UBR2: variants seen among roughly 807,000 people sequenced by gnomAD.
The protein encoded by UBR2 is ubiquitin protein ligase E3 component n-recognin 2.
A neutral mutation model predicts 247.9 loss-of-function variants in UBR2; 92 were observed. That is an observed-to-expected ratio of 0.37 (90% CI 0.31 to 0.44). The LOEUF is 0.44. UBR2 is among the 20% of genes least tolerant of loss of function. UBR2 has a pLI of 1.00. For missense variants in UBR2, 1,613 were observed against 2,112.6 expected, an observed-to-expected ratio of 0.76 and a Z score of 4.64; for synonymous variants, 672 against 693.5, an observed-to-expected ratio of 0.97 and a Z score of 0.49.
rs976647236 is a variant in UBR2, at chr6:42,691,239, G to T, written c.*66G>T. ...CCCAGTTGGCTTTTTAAGAAAGAAA[G>T]AAGTTCTGCTGAATTTGGAAATAAA... On this transcript the variant is annotated 3_prime_UTR_variant, in exon 47 of 47. Transcript: ENST00000372901. 3.2e-6 allele frequency: 5 copies of T among 1,574,900 alleles called. No homozygotes were observed. Among genetic ancestry groups the T allele is most frequent in the Non-Finnish European group, 4.3e-6 (5 of 1,163,522 alleles).
chr6:42,665,554 A>G (rs752817203), intron 33 of UBR2, 42 bp downstream of exon 33: 4 of 1,421,424 alleles, frequency 2.8e-6, no homozygotes, highest in Admixed American at 4.1e-5. Flanking sequence ...CTAAAGTCCG[A>G]GGTCATCAGA....
intron 44 of UBR2, among the ~76,000 whole-genome samples, chr6:42,685,594 A>T (rs1374298141): frequency 6.6e-6 from 1 of 151,710 alleles, no homozygotes; most frequent in Admixed American, 6.6e-5. Flanking sequence ...CCTCCTGAGT[A>T]GCTGGGATTA....
chr6:42,585,001 G>T (rs1792165725), intron 2 of UBR2, among the ~76,000 whole-genome samples: 1 of 152,066 alleles, frequency 6.6e-6, no homozygotes, highest in Non-Finnish European at 1.5e-5. Flanking sequence ...TTGCTCTGGT[G>T]AAAGTGGATA....
intron 1 of UBR2, among the ~76,000 whole-genome samples, chr6:42,566,112 G>A (rs915286356): frequency 1.3e-5 from 2 of 151,682 alleles, no homozygotes; most frequent in Non-Finnish European, 2.9e-5. Context: ...ACTGAATTTT[G>A]TGTCTTGGTC....
chr6:42,667,802 C>G (rs1428153758), intron 34 of UBR2, among the ~76,000 whole-genome samples: 5 of 148,452 alleles, frequency 3.4e-5, no homozygotes, highest in Admixed American at 1.3e-4. Flanking sequence ...CTCTGTCACC[C>G]AGGCTGGAGT....
chr6:42,632,958 C>CTCTTTTTTTTTTTTTTTTTT (rs1562335065), intron 13 of UBR2, 54 bp downstream of exon 13: 2 of 610,588 alleles, frequency 3.3e-6, no homozygotes, highest in Admixed American at 5.4e-5. Context: ...TCTCTTTTCT[C>CTCTTTTTTTTTTTTTTTTTT]TTTTTTTTTT....
chr6:42,599,676 GTCTTGCTCTGT>G (rs1198836345), intron 4 of UBR2, among the ~76,000 whole-genome samples: 1 of 151,642 alleles, frequency 6.6e-6, no homozygotes, highest in African/African-American at 2.4e-5. Context: ...TTGAGATGAG[GTCTTGCTCTGT>G]TTCCCAGGCT....
At chr6:42,670,581 T>A in intron 35 of UBR2, 79 bp from the exon 36 acceptor site, 1 of 1,046,924 alleles carries the variant, frequency 9.6e-7, no homozygotes, top group Non-Finnish European at 1.4e-6. Flanking sequence ...GGATTGGGGT[T>A]TTTTTAACCT....
At chr6:42,605,631 T>A in intron 5 of UBR2, 90 bp from the exon 6 acceptor site, 1 of 1,233,204 alleles carries the variant, frequency 8.1e-7, no homozygotes, top group Non-Finnish European at 1.1e-6. Flanking sequence ...ACCTAGCACA[T>A]TGCATAGGAC....
At chr6:42,599,305 T>C (rs1793201233) in intron 4 of UBR2, among the ~76,000 whole-genome samples, 2 of 152,172 alleles carry the variant, frequency 1.3e-5, no homozygotes, top group African/African-American at 4.8e-5. Flanking sequence ...CTGTTACCAA[T>C]ATTTTATAAA....
chr6:42,655,676 T>A lies in UBR2; in HGVS notation c.2825T>A (p.Val942Asp), dbSNP rs750752736. 1.9e-6 allele frequency: 3 copies of A among 1,559,332 alleles called. No homozygotes were observed. Among genetic ancestry groups the A allele is most frequent in the Non-Finnish European group, 2.6e-6 (3 of 1,162,924 alleles). ...LQEEKQHLEN[V>D]TEEHVVTFTF... ...GAAGAAAAACAACATTTAGAGAATGTCACGGAAGAGCATGTAGTAACATTT... is the reference window on the plus strand; with the variant it reads ...GAAGAAAAACAACATTTAGAGAATGACACGGAAGAGCATGTAGTAACATTT... Residue 942 changes from valine to aspartate, a missense_variant, in exon 26 of 47, where the codon GTC becomes GAC. Coordinates refer to ENST00000372901, the MANE Select transcript of UBR2 (RefSeq NM_001363705.2).
At chr6:42,685,179 C>T (rs1245197542) in intron 44 of UBR2, among the ~76,000 whole-genome samples, 1 of 152,058 alleles carries the variant, frequency 6.6e-6, no homozygotes, top group African/African-American at 2.4e-5. Flanking sequence ...GGCATGGTGG[C>T]AGGCGCCTGT....
chr6:42,634,811 A>C (rs186629428), intron 13 of UBR2, among the ~76,000 whole-genome samples: 65 of 152,318 alleles, frequency 4.3e-4, no homozygotes, highest in Non-Finnish European at 8.5e-4. Flanking sequence ...TTATTATAAT[A>C]CTACTATGTT....
intron 19 of UBR2, 62 bp from the exon 20 acceptor site, chr6:42,644,411 T>A: frequency 6.2e-7 from 1 of 1,604,484 alleles, no homozygotes; most frequent in Non-Finnish European, 8.5e-7. Context: ...ATGTTAATCC[T>A]CTGAGATTAT....
chr6:42,595,718 TAAAA>T, intron 4 of UBR2, among the ~76,000 whole-genome samples: 1 of 132,130 alleles, frequency 7.6e-6, no homozygotes, highest in South Asian at 2.4e-4. Flanking sequence ...ACCCTGTCTT[TAAAA>T]AAAAAAAAAA....
rs533152465 is a variant in UBR2 at position 42,625,130 on chromosome 6, TTACTC to T, written c.1282-7421_1282-7417del. Among the ~76,000 whole-genome samples, 437 of 152,298 alleles carry T rather than the reference TTACTC, an allele frequency of 2.9e-3. 2 individuals carry two copies. The highest frequency in any genetic ancestry group is 9.9e-3 in the African/African-American group (412 of 41,558). ...ATTGTCATAATTTTGCAAAGGCACT[TTACTC>T]ACTTAAATATTTGGAAGAATTCTCC... On this transcript the variant is annotated intron_variant, in intron 11 of 46. Transcript: ENST00000372901.
At chr6:42,685,934 C>T (rs1039366167) in intron 44 of UBR2, among the ~76,000 whole-genome samples, 1 of 152,098 alleles carries the variant, frequency 6.6e-6, no homozygotes, top group African/African-American at 2.4e-5. Flanking sequence ...ACAGTTGAAG[C>T]TCCCCAGCTG....
chr6:42,655,572 T>C, intron 25 of UBR2, 49 bp from the exon 26 acceptor site: 1 of 1,036,624 alleles, frequency 9.6e-7, no homozygotes, highest in Non-Finnish European at 1.4e-6. Context: ...TTAAAATATG[T>C]ACTTGATTTT....
intron 4 of UBR2, among the ~76,000 whole-genome samples, chr6:42,597,106 T>C (rs1202257885): frequency 6.6e-6 from 1 of 152,240 alleles, no homozygotes; most frequent in Non-Finnish European, 1.5e-5. Flanking sequence ...ACATTTGCTC[T>C]GTTGGCTTTA....
Sources: allele counts gnomAD v4.1 joint callset (sites outside exome capture counted in the v4.1 genomes callset), GRCh38; gene constraint gnomAD v4.1.1; transcripts MANE v1.5; gene names NCBI Gene and HGNC (gene_info 2026-07-23, HGNC 2026-07-21).